Variants in ASTN2 observed in about 807,000 individuals in gnomAD.
ASTN2 encodes astrotactin 2.
In ASTN2, 54 loss-of-function variants were observed where a neutral mutation model predicts 139.8. That is an observed-to-expected ratio of 0.39 (90% CI 0.31 to 0.48). The LOEUF (loss-of-function observed/expected upper bound fraction) is 0.48, where lower values mean the gene tolerates loss of function less well. ASTN2 is among the 20% of genes least tolerant of loss of function. The probability of loss-of-function intolerance (pLI) is 0.95; values close to 1 mark genes in which losing one functional copy is unlikely to be tolerated. For missense variants in ASTN2, 1,565 were observed against 1,725.1 expected, an observed-to-expected ratio of 0.91 and a Z score of 1.64; for synonymous variants, 756 against 719.5, an observed-to-expected ratio of 1.05 and a Z score of -0.81.
chr9:116,773,109 G>C (rs1417024795), intron 13 of ASTN2, among the ~76,000 whole-genome samples: 2 of 134,978 alleles, frequency 1.5e-5, no homozygotes, highest in Non-Finnish European at 3.2e-5. Context: ...TTGAATACCT[G>C]TCTTGATAGT....
chr9:116,656,055 A>C (rs1858194733), intron 16 of ASTN2, among the ~76,000 whole-genome samples: 1 of 152,120 alleles, frequency 6.6e-6, no homozygotes, highest in Non-Finnish European at 1.5e-5. Flanking sequence ...ACAGATCCTG[A>C]TAGCATCCTA....
chr9:116,495,606 T>C (rs879903397), intron 19 of ASTN2, among the ~76,000 whole-genome samples: 2 of 152,204 alleles, frequency 1.3e-5, no homozygotes, highest in Non-Finnish European at 2.9e-5. Flanking sequence ...TTCCTTGCAA[T>C]CAGGAGTCCT....
intron 10 of ASTN2, among the ~76,000 whole-genome samples, chr9:116,868,009 C>T (rs7044251): frequency 0.92 from 139,376 of 152,138 alleles, 63,928 homozygotes; most frequent in African/African-American, 0.93. Flanking sequence ...AATCTTGGGG[C>T]GGGGAGTGGG....
At chr9:117,015,834 C>A (rs1243181204) in intron 6 of ASTN2, among the ~76,000 whole-genome samples, 2 of 151,936 alleles carry the variant, frequency 1.3e-5, no homozygotes, top group South Asian at 4.2e-4. Flanking sequence ...AATCATTATA[C>A]AACAGATTAG....
intron 17 of ASTN2, among the ~76,000 whole-genome samples, chr9:116,630,463 A>G (rs1249886525): frequency 6.6e-6 from 1 of 152,226 alleles, no homozygotes; most frequent in Non-Finnish European, 1.5e-5. Context: ...GTCTCAACCT[A>G]AAGACTGAAT....
At chr9:117,409,666 C>T (rs1257965445) in intron 1 of ASTN2, among the ~76,000 whole-genome samples, 1 of 152,142 alleles carries the variant, frequency 6.6e-6, no homozygotes, top group African/African-American at 2.4e-5. Flanking sequence ...GACAGGGTCT[C>T]CCCCTGCCAC....
At chr9:117,364,490 A>G (rs1829779889) in intron 1 of ASTN2, among the ~76,000 whole-genome samples, 1 of 152,234 alleles carries the variant, frequency 6.6e-6, no homozygotes, top group African/African-American at 2.4e-5. Flanking sequence ...TTAATCAAGT[A>G]TGAAATAAAA....
chr9:116,503,993 C>G (rs1849999725), intron 19 of ASTN2, among the ~76,000 whole-genome samples: 1 of 152,154 alleles, frequency 6.6e-6, no homozygotes, highest in East Asian at 1.9e-4. Flanking sequence ...TAGTGCAGTG[C>G]CCACTTCTGG....
At chr9:117,215,250 G>A (rs1832276282) in intron 2 of ASTN2, among the ~76,000 whole-genome samples, 1 of 152,100 alleles carries the variant, frequency 6.6e-6, no homozygotes, top group Non-Finnish European at 1.5e-5. Context: ...GTAGTAGGCT[G>A]TCTTACATCT....
intron 19 of ASTN2, among the ~76,000 whole-genome samples, chr9:116,597,524 T>G (rs998765668): frequency 1.2e-4 from 18 of 152,058 alleles, no homozygotes; most frequent in Middle Eastern, 3.4e-3. Flanking sequence ...TCTCCTGACC[T>G]CATGATTAGC....
chr9:116,449,022 A>T (rs1376220932), intron 20 of ASTN2, among the ~76,000 whole-genome samples: 1 of 152,168 alleles, frequency 6.6e-6, no homozygotes, highest in African/African-American at 2.4e-5. Context: ...GAGCCCTGCT[A>T]CCTGAGTTCG....
chr9:117,291,103 C>A (rs543054314), intron 2 of ASTN2, among the ~76,000 whole-genome samples: 110 of 152,334 alleles, frequency 7.2e-4, no homozygotes, highest in African/African-American at 2.2e-3. Context: ...CCTTTATTTT[C>A]TTCTCTGAAG....
rs558457611 is a variant in ASTN2 at position 116,871,822 on chromosome 9, C to T, written c.1890-8089G>A. On this transcript the variant is annotated intron_variant, in intron 10 of 22. Transcript: ENST00000313400. Reference sequence around the variant, plus strand: ...ATACATGTTTTCATATATTTTGTGGCTCCCCCTGCCCTGGGATTTAGGGAG... The same window carrying T: ...ATACATGTTTTCATATATTTTGTGGTTCCCCCTGCCCTGGGATTTAGGGAG... Among the ~76,000 whole-genome samples the T allele has an allele frequency of 2.0e-5, 3 of 152,210 alleles. No individual in the cohort carries two copies. In the East Asian group the frequency reaches 5.8e-4, roughly 29 times the overall value.
intron 10 of ASTN2, among the ~76,000 whole-genome samples, chr9:116,885,639 C>T (rs1833576663): frequency 6.6e-6 from 1 of 152,144 alleles, no homozygotes; most frequent in Admixed American, 6.5e-5. Flanking sequence ...GCACTCCAGC[C>T]TGGGTGACAG....
chr9:117,194,386 C>T (rs1342556852), intron 3 of ASTN2, among the ~76,000 whole-genome samples: 1 of 152,204 alleles, frequency 6.6e-6, no homozygotes, highest in Admixed American at 6.5e-5. Context: ...AAGGTTATGA[C>T]CCACTCTCAA....
chr9:117,004,796 G>T (rs1012962368), intron 7 of ASTN2, among the ~76,000 whole-genome samples: 14 of 152,166 alleles, frequency 9.2e-5, no homozygotes, highest in Non-Finnish European at 1.3e-4. Context: ...GCAGAAGACT[G>T]AAAGTAAGGA....
intron 6 of ASTN2, among the ~76,000 whole-genome samples, chr9:117,023,122 G>T (rs1033397318): frequency 1.3e-5 from 2 of 152,098 alleles, no homozygotes; most frequent in Non-Finnish European, 2.9e-5. Flanking sequence ...GAATGAACCA[G>T]CTTAGCCTAA....
intron 10 of ASTN2, among the ~76,000 whole-genome samples, chr9:116,905,952 C>T (rs1478968980): frequency 1.3e-5 from 2 of 151,690 alleles, no homozygotes; most frequent in Non-Finnish European, 2.9e-5. Flanking sequence ...TTCTCTGTCT[C>T]TCTAAAGCTT....
intron 17 of ASTN2, among the ~76,000 whole-genome samples, chr9:116,644,186 A>C (rs1857479281): frequency 6.6e-6 from 1 of 152,164 alleles, no homozygotes; most frequent in Admixed American, 6.6e-5. Context: ...CTCTTCAAAG[A>C]GTAGTTATTT....
Sources: gnomAD v4.1 joint callset for allele counts (sites outside exome capture counted in the v4.1 genomes callset) on GRCh38, gnomAD v4.1.1 for gene constraint, MANE v1.5 for transcripts, NCBI Gene and HGNC (gene_info 2026-07-23, HGNC 2026-07-21) for gene names.